CACNA2D1: variants seen among roughly 807,000 people sequenced by gnomAD.
CACNA2D1 encodes the protein voltage-dependent calcium channel subunit alpha-2/delta-1.
A neutral mutation model predicts 171.5 loss-of-function variants in CACNA2D1; 53 were observed. That is an observed-to-expected ratio of 0.31 (90% CI 0.25 to 0.39). The LOEUF (loss-of-function observed/expected upper bound fraction) is 0.39, where lower values mean the gene tolerates loss of function less well. Among genes scored for constraint, CACNA2D1 ranks in the 10% least tolerant of loss-of-function variants. The pLI, the probability that CACNA2D1 is intolerant of heterozygous loss-of-function variation, is 1.00. For missense variants in CACNA2D1, 903 were observed against 1,299.8 expected, an observed-to-expected ratio of 0.69 and a Z score of 4.69; for synonymous variants, 442 against 443.1, an observed-to-expected ratio of 1.00 and a Z score of 0.03.
intron 3 of CACNA2D1, among the ~76,000 whole-genome samples, chr7:82,278,389 G>C (rs2129366999): frequency 6.6e-6 from 1 of 151,880 alleles, no homozygotes. Context: ...GACCAGCCTG[G>C]CCAACATGGC....
intron 3 of CACNA2D1, among the ~76,000 whole-genome samples, chr7:82,302,127 A>G (rs962567486): frequency 6.6e-6 from 1 of 152,202 alleles, no homozygotes. Flanking sequence ...ATGAACCTAT[A>G]AACTCTATTG....
chr7:82,032,211 A>T (rs1802784747), intron 12 of CACNA2D1, among the ~76,000 whole-genome samples: 1 of 151,982 alleles, frequency 6.6e-6, no homozygotes, highest in Admixed American at 6.6e-5. Context: ...TTCCAACTAC[A>T]AACACTAATC....
intron 1 of CACNA2D1, among the ~76,000 whole-genome samples, chr7:82,414,680 G>T (rs956293788): frequency 6.6e-6 from 1 of 152,146 alleles, no homozygotes; most frequent in Non-Finnish European, 1.5e-5. Context: ...TCCATTCGAA[G>T]GAGGTGTATG....
intron 1 of CACNA2D1, among the ~76,000 whole-genome samples, chr7:82,371,099 C>T (rs1264116539): frequency 6.6e-6 from 1 of 152,042 alleles, no homozygotes; most frequent in Admixed American, 6.6e-5. Context: ...AAGGGGTGTC[C>T]TCTCTAGTTT....
intron 24 of CACNA2D1, among the ~76,000 whole-genome samples, chr7:81,977,494 G>T (rs1380032435): frequency 1.3e-5 from 2 of 152,082 alleles, no homozygotes; most frequent in Non-Finnish European, 2.9e-5. Flanking sequence ...ATAGGGAAAA[G>T]ATTCCCTATT....
intron 6 of CACNA2D1, among the ~76,000 whole-genome samples, chr7:82,093,035 T>G (rs1811408961): frequency 6.6e-6 from 1 of 152,118 alleles, no homozygotes; most frequent in Non-Finnish European, 1.5e-5. Flanking sequence ...ACTATAGATT[T>G]TCTTTCTGGT....
intron 10 of CACNA2D1, among the ~76,000 whole-genome samples, chr7:82,042,745 T>C (rs1193379950): frequency 1.3e-5 from 2 of 152,172 alleles, no homozygotes; most frequent in Admixed American, 6.5e-5. Context: ...TTTCCCACTA[T>C]ATGTACTGTT....
At chr7:82,032,776 A>G in intron 12 of CACNA2D1, 21 bp downstream of exon 12, 2 of 1,291,618 alleles carry the variant, frequency 1.5e-6, no homozygotes, top group Non-Finnish European at 2.2e-6. Flanking sequence ...TAAAATTTAA[A>G]TATTATAAAA....
chr7:82,394,577 C>A (rs931924438), intron 1 of CACNA2D1, among the ~76,000 whole-genome samples: 2 of 152,120 alleles, frequency 1.3e-5, no homozygotes, highest in African/African-American at 4.8e-5. Context: ...ATTTGAGACA[C>A]AGAAAAATGA....
rs1793820480 is a variant in CACNA2D1 at position 81,959,370 on chromosome 7, T to G, written c.3077-13A>C. On this transcript the variant is annotated splice_polypyrimidine_tract_variant and intron_variant, in intron 37 of 38. Coordinates refer to ENST00000356860, the MANE Select transcript of CACNA2D1 (RefSeq NM_000722.4). Reference sequence around the variant, plus strand: ...TTTGGACCGTCAGCTAAAAGAGACTTGTTAAGGAATCTCATGTTAGTTTTT... The same window carrying G: ...TTTGGACCGTCAGCTAAAAGAGACTGGTTAAGGAATCTCATGTTAGTTTTT... 1 of 1,569,952 alleles carries G rather than the reference T, an allele frequency of 6.4e-7. No individual in the cohort carries two copies. The highest frequency in any genetic ancestry group is 2.2e-5 in the East Asian group (1 of 44,630).
At chr7:82,144,530 T>C (rs1479317816) in intron 4 of CACNA2D1, among the ~76,000 whole-genome samples, 2 of 152,084 alleles carry the variant, frequency 1.3e-5, no homozygotes, top group African/African-American at 4.8e-5. Flanking sequence ...TCAGATGTGT[T>C]CTGGCATGAA....
intron 3 of CACNA2D1, among the ~76,000 whole-genome samples, chr7:82,201,205 C>T (rs1169296598): frequency 3.9e-5 from 6 of 152,058 alleles, no homozygotes; most frequent in Admixed American, 3.9e-4. Flanking sequence ...AGCAAGCAAG[C>T]CTGTGTGCTA....
At chr7:82,092,824 AAAC>A (rs1172072018) in intron 6 of CACNA2D1, among the ~76,000 whole-genome samples, 1 of 152,098 alleles carries the variant, frequency 6.6e-6, no homozygotes, top group Non-Finnish European at 1.5e-5. Context: ...CGGTAAATGA[AAAC>A]AACAAGAAAT....
intron 6 of CACNA2D1, among the ~76,000 whole-genome samples, chr7:82,107,586 C>CTT (rs72498624): frequency 0.012 from 1,619 of 135,630 alleles, 43 homozygotes; most frequent in African/African-American, 0.038. Flanking sequence ...TGAAAATAAA[C>CTT]TTTTTTTTTT....
chr7:82,300,031 T>A (rs1812808712), intron 3 of CACNA2D1, among the ~76,000 whole-genome samples: 1 of 152,126 alleles, frequency 6.6e-6, no homozygotes, highest in Non-Finnish European at 1.5e-5. Context: ...TCATGACCGA[T>A]CTGTGATCAT....
chr7:82,405,792 T>C (rs1826965135), intron 1 of CACNA2D1, among the ~76,000 whole-genome samples: 1 of 152,196 alleles, frequency 6.6e-6, no homozygotes, highest in Non-Finnish European at 1.5e-5. Flanking sequence ...ATAGTTTAGA[T>C]GCCTGTGCTA....
At chr7:82,053,502 G>A (rs1024835630) in intron 10 of CACNA2D1, among the ~76,000 whole-genome samples, 1 of 152,022 alleles carries the variant, frequency 6.6e-6, no homozygotes, top group African/African-American at 2.4e-5. Context: ...AAACTTCAGA[G>A]TGTAGTTGAC....
chr7:82,196,768 G>C (rs1035268806), intron 3 of CACNA2D1, among the ~76,000 whole-genome samples: 1 of 151,758 alleles, frequency 6.6e-6, no homozygotes, highest in Non-Finnish European at 1.5e-5. Context: ...GACGATTCAG[G>C]ATGAGAATAG....
At chr7:82,103,966 G>A (rs903023883) in intron 6 of CACNA2D1, among the ~76,000 whole-genome samples, 18 of 151,784 alleles carry the variant, frequency 1.2e-4, no homozygotes, top group African/African-American at 4.4e-4. Flanking sequence ...ATAACTTGAA[G>A]GCCATCAAAG....
Sources: gnomAD v4.1 joint callset for allele counts (sites outside exome capture counted in the v4.1 genomes callset) on GRCh38, gnomAD v4.1.1 for gene constraint, MANE v1.5 for transcripts, NCBI Gene and HGNC (gene_info 2026-07-23, HGNC 2026-07-21) for gene names.